SLC2A2: variants seen among roughly 807,000 people sequenced by gnomAD.
SLC2A2 encodes the protein solute carrier family 2, facilitated glucose transporter member 2.
SLC2A2 carries 36 observed loss-of-function variants against 54.5 expected under a neutral mutation model. The ratio of observed to expected loss-of-function variants is 0.66; its 90% confidence interval spans 0.51 to 0.87. The LOEUF (loss-of-function observed/expected upper bound fraction) is 0.87, where lower values mean the gene tolerates loss of function less well. Ranked by LOEUF, SLC2A2 falls within the 40% of genes least tolerant of loss-of-function variation. The pLI is 0.00. For missense variants in SLC2A2, 543 were observed against 624.3 expected (o/e 0.87, Z 1.39); for synonymous variants, 223 against 219.1 (o/e 1.02, Z -0.16).
At chr3:171,018,772 TG>T in intron 1 of SLC2A2, 149 bp from the exon 2 acceptor site, 3 of 682,624 alleles carry the variant, frequency 4.4e-6, no homozygotes, top group Non-Finnish European at 5.4e-6. Flanking sequence ...TGCTCCAGGC[TG>T]GCAGGTGTTG....
chr3:171,005,192 A>C, intron 7 of SLC2A2, 93 bp downstream of exon 7: 1 of 1,046,994 alleles, frequency 9.6e-7, no homozygotes, highest in Non-Finnish European at 1.5e-6. Context: ...CCAATACCTT[A>C]AAATATCTTT....
intron 4 of SLC2A2, among the ~76,000 whole-genome samples, chr3:171,009,138 G>A (rs1715757421): frequency 6.6e-6 from 1 of 152,098 alleles, no homozygotes; most frequent in South Asian, 2.1e-4. Flanking sequence ...GAGCTTCATT[G>A]GCAGAAGTTA....
intron 4 of SLC2A2, 183 bp from the exon 5 acceptor site, chr3:171,007,446 C>T: frequency 1.7e-6 from 1 of 604,186 alleles, no homozygotes; most frequent in Admixed American, 2.6e-5. Flanking sequence ...ACCTCATATG[C>T]AGTTGTAGTT....
At chr3:171,025,686 C>G (rs1205404355) in intron 1 of SLC2A2, among the ~76,000 whole-genome samples, 1 of 152,072 alleles carries the variant, frequency 6.6e-6, no homozygotes, top group Non-Finnish European at 1.5e-5. Context: ...CATCTAATGA[C>G]ATGAAGGAAT....
At chr3:171,018,165 C>T (rs948829271) in intron 2 of SLC2A2, among the ~76,000 whole-genome samples, 5 of 152,114 alleles carry the variant, frequency 3.3e-5, no homozygotes, top group African/African-American at 1.2e-4. Flanking sequence ...TCCTTATTCC[C>T]TGGCACTTTT....
At position 171,012,112 on chromosome 3, in the gene SLC2A2, GTCATCA is replaced by G. The variant is rs554180180; in HGVS notation, c.372-2036_372-2031del. Reference sequence around the variant, plus strand: ...TATTGTCGTGGTCATGGTCATTGTCGTCATCATCATCATCATCATCATCATCAAAAT... The same window carrying G: ...TATTGTCGTGGTCATGGTCATTGTCGTCATCATCATCATCATCATCAAAAT... On this transcript the variant is annotated intron_variant, in intron 3 of 10. Coordinates refer to ENST00000314251, the MANE Select transcript of SLC2A2 (RefSeq NM_000340.2). Among the ~76,000 whole-genome samples the G allele has an allele frequency of 5.7e-4, 86 of 151,714 alleles. No homozygotes were observed. In the East Asian group the frequency reaches 0.012, roughly 22 times the overall value.
At chr3:171,018,140 CCT>C (rs1716238667) in intron 2 of SLC2A2, among the ~76,000 whole-genome samples, 1 of 152,052 alleles carries the variant, frequency 6.6e-6, no homozygotes, top group Non-Finnish European at 1.5e-5. Context: ...AAAAATGTCC[CCT>C]GAGTGAAACA....
chr3:170,996,413 A>T lies in SLC2A2; in HGVS notation c.*1490T>A, dbSNP rs967238722. The T allele has an allele frequency of 5.4e-5, 21 of 389,962 alleles. No individual in the cohort carries two copies. The highest frequency in any genetic ancestry group is 3.9e-4 in the African/African-American group (19 of 48,360). The allele number at this position is 389,962 out of a possible 1,614,324, so 24.2% of individuals were successfully genotyped here. A position where few individuals can be genotyped will look rare whatever the true frequency, so the allele number is the denominator to read the frequency against. On this transcript the variant is annotated 3_prime_UTR_variant, in exon 11 of 11. Transcript: ENST00000314251. Reference sequence around the variant, plus strand: ...ATATATGTGAACAACTTTAGAAAACAAAGCAAATGTTCAGTGGTTTTTAAT... The same window carrying T: ...ATATATGTGAACAACTTTAGAAAACTAAGCAAATGTTCAGTGGTTTTTAAT...
intron 1 of SLC2A2, among the ~76,000 whole-genome samples, chr3:171,019,530 A>G (rs1170236615): frequency 1.3e-5 from 2 of 152,172 alleles, no homozygotes; most frequent in African/African-American, 2.4e-5. Flanking sequence ...ATGTCTAACT[A>G]TCTTAGAGAA....
At position 171,009,945 on chromosome 3, in the gene SLC2A2, G is replaced by GA; in HGVS notation, c.496+12_496+13insT. 1 of 1,583,712 alleles carries GA rather than the reference G, an allele frequency of 6.3e-7. No individual in the cohort carries two copies. On this transcript the variant is annotated intron_variant, in intron 4 of 10. Transcript: ENST00000314251. Reference sequence around the variant, plus strand: ...TGTGTGTGTGTGTGTGTGTGTGTGTGTGTGTGACTTACCACAATATAGTCC... The same window carrying GA: ...TGTGTGTGTGTGTGTGTGTGTGTGTGATGTGTGACTTACCACAATATAGTCC...
rs138503154 is a variant in SLC2A2 at position 171,018,928 on chromosome 3, C to A, written c.16-305G>T. Among the ~76,000 whole-genome samples, 20 of 151,480 alleles carry A rather than the reference C, an allele frequency of 1.3e-4. No individual in the cohort carries two copies. In the East Asian group the frequency reaches 3.9e-3, roughly 29 times the overall value. ...TAGCATACCTCTCCTGACTATTCAC[C>A]GGATACCAGAATAGGGATGCATAAA... On this transcript the variant is annotated intron_variant, in intron 1 of 10. Coordinates refer to ENST00000314251, the MANE Select transcript of SLC2A2 (RefSeq NM_000340.2).
intron 1 of SLC2A2, 78 bp from the exon 2 acceptor site, chr3:171,018,701 A>G: frequency 2.1e-6 from 2 of 944,316 alleles, no homozygotes; most frequent in Non-Finnish European, 3.5e-6. Context: ...TGCAGCTTAA[A>G]CTTCTTACAG....
intron 6 of SLC2A2, 73 bp downstream of exon 6, chr3:171,005,870 T>C: frequency 1.4e-6 from 2 of 1,420,168 alleles, no homozygotes; most frequent in Non-Finnish European, 2.0e-6. Context: ...CAACTTCATG[T>C]GGAAAGCACT....
rs1232606277 is a variant in SLC2A2, at chr3:170,997,737, C to T, written c.*166G>A. 7.6e-6 allele frequency: 5 copies of T among 653,832 alleles called. No individual in the cohort carries two copies. The highest frequency in any genetic ancestry group is 1.8e-5 in the African/African-American group (1 of 54,568). 40.5% of individuals were successfully genotyped at this position (653,832 alleles called of 1,614,324 possible). A position where few individuals can be genotyped will look rare whatever the true frequency, so the allele number is the denominator to read the frequency against. ...TTACCATCAAAAATATATTCTCTAA[C>T]TTAAAAAAATACTTTTTTGGTAATA... On this transcript the variant is annotated 3_prime_UTR_variant, in exon 11 of 11. Transcript: ENST00000314251.
chr3:171,016,405 G>A (rs982082110), intron 2 of SLC2A2, among the ~76,000 whole-genome samples: 2 of 152,164 alleles, frequency 1.3e-5, no homozygotes, highest in Non-Finnish European at 2.9e-5. Context: ...GGATGACAGA[G>A]TGAGACTTTG....
At chr3:171,020,511 G>T (rs1716405422) in intron 1 of SLC2A2, among the ~76,000 whole-genome samples, 1 of 152,018 alleles carries the variant, frequency 6.6e-6, no homozygotes, top group African/African-American at 2.4e-5. Flanking sequence ...TGACCCAAAA[G>T]ACATGGTTAT....
At chr3:171,002,452 G>C in intron 8 of SLC2A2, 124 bp downstream of exon 8, 1 of 714,972 alleles carries the variant, frequency 1.4e-6, no homozygotes, top group Non-Finnish European at 2.6e-6. Context: ...ACTCACTTGG[G>C]TTTACACACT....
At chr3:171,000,911 A>G (rs561206387) in intron 8 of SLC2A2, among the ~76,000 whole-genome samples, 3 of 152,140 alleles carry the variant, frequency 2.0e-5, no homozygotes, top group African/African-American at 7.2e-5. Context: ...TACTTTTTGA[A>G]CTTTAAAACA....
chr3:171,026,616 C>A (rs1716714135), intron 1 of SLC2A2, 40 bp downstream of exon 1: 1 of 1,586,900 alleles, frequency 6.3e-7, no homozygotes, highest in African/African-American at 1.3e-5. Flanking sequence ...CTAACTATCT[C>A]CTGAAAACCA....
Sources: gnomAD v4.1 joint callset for allele counts (sites outside exome capture counted in the v4.1 genomes callset) on GRCh38, gnomAD v4.1.1 for gene constraint, MANE v1.5 for transcripts, NCBI Gene and HGNC (gene_info 2026-07-23, HGNC 2026-07-21) for gene names.